The following ARHGEF7 variants were observed in gnomAD, a reference collection of about 807,000 sequenced individuals.
The protein encoded by ARHGEF7 is Rho guanine nucleotide exchange factor 7, also known as PAK-interacting exchange factor beta.
ARHGEF7 carries 33 observed loss-of-function variants against 109.8 expected under a neutral mutation model. That is an observed-to-expected ratio of 0.30 (90% CI 0.23 to 0.40). The LOEUF (loss-of-function observed/expected upper bound fraction) is 0.40, where lower values mean the gene tolerates loss of function less well. Ranked by LOEUF, ARHGEF7 falls within the 10% of genes least tolerant of loss-of-function variation. ARHGEF7 has a pLI of 1.00. For missense variants in ARHGEF7, 938 were observed against 1,098.5 expected, an observed-to-expected ratio of 0.85 and a Z score of 2.07; for synonymous variants, 458 against 424.6, an observed-to-expected ratio of 1.08 and a Z score of -0.97.
chr13:111,206,923 C>T (rs867372053), intron 3 of ARHGEF7, among the ~76,000 whole-genome samples: 15 of 139,416 alleles, frequency 1.1e-4, no homozygotes, highest in African/African-American at 3.0e-4. Flanking sequence ...GATCGCGCCA[C>T]TGCACTCCAG....
intron 8 of ARHGEF7, among the ~76,000 whole-genome samples, chr13:111,260,291 C>G (rs1031333541): frequency 6.6e-6 from 1 of 152,170 alleles, no homozygotes; most frequent in Non-Finnish European, 1.5e-5. Flanking sequence ...TAGATTTAAC[C>G]CGTAGAAGAC....
intron 1 of ARHGEF7, among the ~76,000 whole-genome samples, chr13:111,129,127 A>C (rs370131321): frequency 3.9e-5 from 6 of 152,256 alleles, no homozygotes; most frequent in Non-Finnish European, 7.3e-5. Flanking sequence ...CACTCTTTTC[A>C]GTAAATGATA....
intron 4 of ARHGEF7, among the ~76,000 whole-genome samples, chr13:111,216,392 C>T (rs1309449551): frequency 6.6e-6 from 1 of 152,116 alleles, no homozygotes; most frequent in Non-Finnish European, 1.5e-5. Context: ...CCAGTGTGGG[C>T]AGATGGAATC....
chr13:111,124,411 C>T (rs190987632), intron 1 of ARHGEF7, among the ~76,000 whole-genome samples: 43 of 152,378 alleles, frequency 2.8e-4, no homozygotes, highest in African/African-American at 1.0e-3. Context: ...CCGTGAGTCT[C>T]TCCAGAGACT....
chr13:111,282,230 C>CTTCCTCAGAATGCCGGCCCCACTCCGT (rs1474221504), intron 15 of ARHGEF7, among the ~76,000 whole-genome samples: 2 of 152,144 alleles, frequency 1.3e-5, no homozygotes, highest in African/African-American at 4.8e-5. Context: ...AGGTCGCGCA[C>CTTCCTCAGAATGCCGGCCCCACTCCGT]TTCCTCAGAA....
At chr13:111,294,338 C>T (rs959734467) in intron 19 of ARHGEF7, 110 of 985,326 alleles carry the variant, frequency 1.1e-4, no homozygotes, top group African/African-American at 3.7e-4. Context: ...TTCTCGTAGG[C>T]GTGGGTTGCC....
At chr13:111,176,048 C>G (rs1270438684) in intron 2 of ARHGEF7, among the ~76,000 whole-genome samples, 2 of 152,142 alleles carry the variant, frequency 1.3e-5, no homozygotes, top group East Asian at 3.9e-4. Flanking sequence ...CCACTGGGCC[C>G]TCCCATGACA....
At chr13:111,167,771 CTT>C (rs1647660549) in intron 2 of ARHGEF7, among the ~76,000 whole-genome samples, 1 of 152,228 alleles carries the variant, frequency 6.6e-6, no homozygotes, top group Non-Finnish European at 1.5e-5. Context: ...CACACGGACT[CTT>C]TTTCAGGAAC....
At position 111,260,678 on chromosome 13, in the gene ARHGEF7, C is replaced by T. The variant is rs187458766; in HGVS notation, c.951-6870C>T. On this transcript the variant is annotated intron_variant, in intron 8 of 21. Transcript: ENST00000646102. ...TAAGAAATCACCTGAAGGTACAAAA[C>T]TCACTGGTAATAGTACTCAGAAGAA... is the stretch of plus-strand genomic sequence containing the variant. Among the ~76,000 whole-genome samples the T allele has an allele frequency of 2.0e-3, 302 of 152,308 alleles. 2 individuals are homozygous for T. The highest frequency in any genetic ancestry group is 7.4e-4 in the Non-Finnish European group (50 of 68,020).
chr13:111,126,038 T>G (rs73633229), intron 1 of ARHGEF7, among the ~76,000 whole-genome samples: 1 of 152,198 alleles, frequency 6.6e-6, no homozygotes, highest in Non-Finnish European at 1.5e-5. Flanking sequence ...AGCAATGTCA[T>G]TGGGGCTTCC....
intron 4 of ARHGEF7, among the ~76,000 whole-genome samples, chr13:111,212,085 T>G (rs2082568571): frequency 6.6e-6 from 1 of 152,196 alleles, no homozygotes; most frequent in South Asian, 2.1e-4. Context: ...CCACTGCAGT[T>G]GCTGGTTGTT....
At chr13:111,244,641 G>T (rs1311175106) in intron 8 of ARHGEF7, among the ~76,000 whole-genome samples, 1 of 152,216 alleles carries the variant, frequency 6.6e-6, no homozygotes, top group Admixed American at 6.5e-5. Context: ...TGCGCAGGGG[G>T]CCTTGAAGGC....
intron 3 of ARHGEF7, among the ~76,000 whole-genome samples, chr13:111,207,802 T>C (rs1409414088): frequency 6.6e-6 from 1 of 152,222 alleles, no homozygotes; most frequent in Non-Finnish European, 1.5e-5. Context: ...CTCAGGCTAT[T>C]AGTTTTTACC....
At chr13:111,210,556 C>G (rs768996983) in intron 4 of ARHGEF7, among the ~76,000 whole-genome samples, 1 of 152,104 alleles carries the variant, frequency 6.6e-6, no homozygotes, top group Non-Finnish European at 1.5e-5. Flanking sequence ...TGAAAAAATA[C>G]TCGTTTAAAA....
chr13:111,177,579 G>A (rs1161619643), intron 2 of ARHGEF7, among the ~76,000 whole-genome samples: 1 of 152,128 alleles, frequency 6.6e-6, no homozygotes, highest in African/African-American at 2.4e-5. Context: ...GTTCTCACAC[G>A]GTCCTGCTGG....
At chr13:111,229,693 T>G (rs1430909323) in intron 5 of ARHGEF7, among the ~76,000 whole-genome samples, 2 of 152,194 alleles carry the variant, frequency 1.3e-5, no homozygotes, top group African/African-American at 2.4e-5. Context: ...TGGGTTCCTG[T>G]GTACCCTGGG....
At chr13:111,133,138 TGTACAC>T (rs1167270172) in intron 1 of ARHGEF7, among the ~76,000 whole-genome samples, 1 of 152,154 alleles carries the variant, frequency 6.6e-6, no homozygotes, top group Non-Finnish European at 1.5e-5. Context: ...CACGTGCATA[TGTACAC>T]ATGTGCACGT....
At chr13:111,192,321 G>A (rs1555360271) in intron 2 of ARHGEF7, among the ~76,000 whole-genome samples, 1 of 152,192 alleles carries the variant, frequency 6.6e-6, no homozygotes, top group Non-Finnish European at 1.5e-5. Context: ...GGATGGGGAG[G>A]TAGAGGGGAG....
chr13:111,174,236 C>G (rs1326356839), intron 2 of ARHGEF7, among the ~76,000 whole-genome samples: 1 of 152,152 alleles, frequency 6.6e-6, no homozygotes, highest in Non-Finnish European at 1.5e-5. Flanking sequence ...AAATTGGTTA[C>G]TCTTATTTCT....
Sources: allele counts gnomAD v4.1 joint callset (sites outside exome capture counted in the v4.1 genomes callset), GRCh38; gene constraint gnomAD v4.1.1; transcripts MANE v1.5; gene names NCBI Gene and HGNC (gene_info 2026-07-23, HGNC 2026-07-21).